MSRB3: variants seen among roughly 807,000 people sequenced by gnomAD.
MSRB3 encodes methionine-R-sulfoxide reductase B3.
In MSRB3, 13 loss-of-function variants were observed where a neutral mutation model predicts 21.0. That is an observed-to-expected ratio of 0.62 (90% CI 0.40 to 0.98). The LOEUF is 0.98. Among genes scored for constraint, MSRB3 ranks in the 50% least tolerant of loss-of-function variants. The pLI is 0.00. For synonymous variants in MSRB3, 87 were observed against 88.6 expected, an observed-to-expected ratio of 0.98 and a Z score of 0.10; for missense variants, 199 against 230.3, an observed-to-expected ratio of 0.86 and a Z score of 0.88.
intron 6 of MSRB3, among the ~76,000 whole-genome samples, chr12:65,458,205 T>A (rs930213711): frequency 5.3e-5 from 8 of 151,736 alleles, no homozygotes; most frequent in Non-Finnish European, 1.0e-4. Context: ...TATGGCAATA[T>A]TTCATTGTTC....
chr12:65,451,777 C>G (rs1882869134), intron 5 of MSRB3, among the ~76,000 whole-genome samples: 1 of 152,206 alleles, frequency 6.6e-6, no homozygotes, highest in Non-Finnish European at 1.5e-5. Context: ...ATTTTATTCT[C>G]TCTCTTTCTT....
At chr12:65,440,287 G>T (rs184729030) in intron 5 of MSRB3, among the ~76,000 whole-genome samples, 3 of 150,912 alleles carry the variant, frequency 2.0e-5, no homozygotes, top group African/African-American at 4.9e-5. Context: ...CCCAGAAACC[G>T]CAAAAAAAAG....
intron 1 of MSRB3, among the ~76,000 whole-genome samples, chr12:65,301,973 T>G (rs1873361014): frequency 6.6e-6 from 1 of 152,100 alleles, no homozygotes; most frequent in Non-Finnish European, 1.5e-5. Context: ...ATTTTTATTT[T>G]GGGTAATATA....
chr12:65,372,363 C>T (rs576219209), intron 5 of MSRB3, among the ~76,000 whole-genome samples: 58 of 152,326 alleles, frequency 3.8e-4, no homozygotes, highest in Admixed American at 7.8e-4. Flanking sequence ...TAGCTGTGGT[C>T]TCTGTGTACT....
intron 2 of MSRB3, among the ~76,000 whole-genome samples, chr12:65,325,076 G>C (rs948873155): frequency 1.3e-5 from 2 of 152,116 alleles, no homozygotes; most frequent in Non-Finnish European, 2.9e-5. Context: ...AAACACATGA[G>C]AATAAAATAA....
At chr12:65,324,385 C>T (rs1057434813) in intron 2 of MSRB3, among the ~76,000 whole-genome samples, 11 of 152,132 alleles carry the variant, frequency 7.2e-5, no homozygotes, top group Non-Finnish European at 1.3e-4. Context: ...GCCATTAAAA[C>T]GAGGTCTCTG....
chr12:65,450,172 A>C (rs2136696471), intron 5 of MSRB3, among the ~76,000 whole-genome samples: 1 of 152,308 alleles, frequency 6.6e-6, no homozygotes, highest in South Asian at 2.1e-4. Context: ...AGACGCTACA[A>C]CAACTAATCT....
intron 2 of MSRB3, among the ~76,000 whole-genome samples, chr12:65,319,921 G>T (rs1361106593): frequency 6.6e-6 from 1 of 152,130 alleles, no homozygotes; most frequent in Non-Finnish European, 1.5e-5. Context: ...GCTTGACAAC[G>T]TCTTCTGAGT....
chr12:65,392,898 T>C (rs1173443358), intron 5 of MSRB3, among the ~76,000 whole-genome samples: 1 of 152,168 alleles, frequency 6.6e-6, no homozygotes, highest in East Asian at 1.9e-4. Context: ...ATTATTTATA[T>C]TTTCTTCCTC....
intron 5 of MSRB3, among the ~76,000 whole-genome samples, chr12:65,450,759 T>G (rs564132046): frequency 3.1e-4 from 47 of 152,336 alleles, no homozygotes; most frequent in Non-Finnish European, 6.0e-4. Flanking sequence ...CTTTAGTCTC[T>G]GCCTATTACC....
At chr12:65,444,807 C>A (rs776355474) in intron 5 of MSRB3, among the ~76,000 whole-genome samples, 1 of 152,192 alleles carries the variant, frequency 6.6e-6, no homozygotes, top group Non-Finnish European at 1.5e-5. Context: ...CTTTTTCAGA[C>A]TCTGTCCTGA....
chr12:65,396,714 AAGAAAG>A (rs1879825504), intron 5 of MSRB3, among the ~76,000 whole-genome samples: 3 of 56,070 alleles, frequency 5.4e-5, no homozygotes, highest in Non-Finnish European at 1.1e-4. Flanking sequence ...AAAAGAAAGA[AAGAAAG>A]AAAGAAAGAA....
chr12:65,311,122 A>T (rs1873959465), intron 2 of MSRB3, among the ~76,000 whole-genome samples: 2 of 152,156 alleles, frequency 1.3e-5, no homozygotes, highest in Non-Finnish European at 2.9e-5. Context: ...CATGGGACTC[A>T]CAAATACACT....
At position 65,326,886 on chromosome 12, in the gene MSRB3, G is replaced by A. The variant is rs749164066; in HGVS notation, c.137G>A (p.Arg46Gln). Residue 46 changes from arginine to glutamine, a missense_variant, in exon 3 of 7, where the codon CGG (arginine) becomes CAG (glutamine). Arg to Gln is a conservative substitution (Grantham distance 43). Transcript: ENST00000308259. The stretch of plus-strand genomic sequence containing the variant: ...TTTTCCCAGCAGGAACTGAGGAAGC[G>A]GCTAACACCCCTGCAGTACCATGTC... ...VVFSQQELRK[R>Q]LTPLQYHVTQ... 6.8e-6 allele frequency: 11 copies of A among 1,612,320 alleles called. No homozygotes were observed. Among genetic ancestry groups the A allele is most frequent in the South Asian group, 1.1e-5 (1 of 90,976 alleles).
At chr12:65,389,388 C>A (rs1229980894) in intron 5 of MSRB3, among the ~76,000 whole-genome samples, 1 of 152,108 alleles carries the variant, frequency 6.6e-6, no homozygotes, top group Non-Finnish European at 1.5e-5. Flanking sequence ...AGAGTACAAG[C>A]AATAACTCTT....
chr12:65,460,895 A>C (rs10784459), intron 6 of MSRB3, among the ~76,000 whole-genome samples: 56,875 of 151,992 alleles, frequency 0.37, 11,163 homozygotes, highest in Middle Eastern at 0.54. Context: ...GATTTTTAAA[A>C]TATGATTTGG....
At chr12:65,433,963 A>G (rs1882003116) in intron 5 of MSRB3, among the ~76,000 whole-genome samples, 1 of 151,784 alleles carries the variant, frequency 6.6e-6, no homozygotes, top group Admixed American at 6.6e-5. Context: ...ATCTTGGCAT[A>G]TTCTTTTGAA....
intron 5 of MSRB3, among the ~76,000 whole-genome samples, chr12:65,443,925 T>G (rs1050221364): frequency 2.6e-5 from 4 of 152,146 alleles, no homozygotes; most frequent in African/African-American, 9.7e-5. Flanking sequence ...TTTTGACTGC[T>G]CTAAGTGGAA....
chr12:65,334,306 A>G (rs1875622058), intron 4 of MSRB3, among the ~76,000 whole-genome samples: 1 of 152,218 alleles, frequency 6.6e-6, no homozygotes, highest in South Asian at 2.1e-4. Flanking sequence ...AACTCATTTA[A>G]TCTTCACAGC....
Sources: gnomAD v4.1 joint callset for allele counts (sites outside exome capture counted in the v4.1 genomes callset) on GRCh38, gnomAD v4.1.1 for gene constraint, MANE v1.5 for transcripts, NCBI Gene and HGNC (gene_info 2026-07-23, HGNC 2026-07-21) for gene names.